Variants in VRK1 observed in about 807,000 individuals in gnomAD.
VRK1 encodes the protein serine/threonine-protein kinase VRK1.
VRK1 carries 33 observed loss-of-function variants against 57.1 expected under a neutral mutation model. That is an observed-to-expected ratio of 0.58 (90% CI 0.44 to 0.77). The LOEUF is 0.77. Among genes scored for constraint, VRK1 ranks in the 30% least tolerant of loss-of-function variants. The pLI is 0.00. For synonymous variants in VRK1, 137 were observed against 147.8 expected (o/e 0.93, Z 0.53); for missense variants, 413 against 477.3 (o/e 0.87, Z 1.25).
chr14:96,856,055 T>C (rs948261783), intron 8 of VRK1, 75 bp from the exon 9 acceptor site: 2 of 1,524,482 alleles, frequency 1.3e-6, no homozygotes, highest in Non-Finnish European at 1.8e-6. Context: ...TTTTATGTTA[T>C]TACTTTATAT....
intron 2 of VRK1, 148 bp downstream of exon 2, chr14:96,833,779 AC>A: frequency 1.7e-6 from 2 of 1,155,684 alleles, no homozygotes; most frequent in Non-Finnish European, 2.5e-6. Flanking sequence ...TGCATCTCTG[AC>A]GTAGGAGTGG....
At chr14:96,837,150 A>C (rs550440598) in intron 2 of VRK1, among the ~76,000 whole-genome samples, 1 of 152,256 alleles carries the variant, frequency 6.6e-6, no homozygotes, top group Admixed American at 6.5e-5. Flanking sequence ...GTACTTGGTA[A>C]ATATCTGTTT....
In VRK1 at chr14:96,846,092, A is replaced by G. The variant is rs1009112116; in HGVS notation, c.217-3A>G. ...TAGTACTAATTAACTCTTATATTTT[A>G]AGGAACCCAGTGACAATGGACCTCT... On this transcript the variant is annotated splice_polypyrimidine_tract_variant and splice_region_variant and intron_variant, in intron 3 of 12. Coordinates refer to ENST00000216639, the MANE Select transcript of VRK1 (RefSeq NM_003384.3). 1 of 1,612,898 alleles carries G rather than the reference A, an allele frequency of 6.2e-7. No homozygotes were observed. The highest frequency in any genetic ancestry group is 8.5e-7 in the Non-Finnish European group (1 of 1,179,114).
chr14:96,877,307 ATAT>A (rs1889080321), intron 12 of VRK1: 1 of 325,538 alleles, frequency 3.1e-6, no homozygotes, highest in African/African-American at 2.2e-5. Flanking sequence ...TCTTCATTAC[ATAT>A]TATGGTTAGA....
At chr14:96,875,384 C>A (rs901052288) in intron 11 of VRK1, among the ~76,000 whole-genome samples, 1 of 152,106 alleles carries the variant, frequency 6.6e-6, no homozygotes, top group South Asian at 2.1e-4. Flanking sequence ...GAAATCCAGA[C>A]GATTTTTGAG....
At chr14:96,810,947 T>C (rs1057290522) in intron 1 of VRK1, among the ~76,000 whole-genome samples, 18 of 151,192 alleles carry the variant, frequency 1.2e-4, no homozygotes, top group Admixed American at 5.9e-4. Flanking sequence ...TTTTTTTTAA[T>C]TTTTTTTTGA....
At chr14:96,844,061 T>G (rs1262175113) in intron 3 of VRK1, among the ~76,000 whole-genome samples, 3 of 152,200 alleles carry the variant, frequency 2.0e-5, no homozygotes, top group Admixed American at 1.3e-4. Context: ...CAAACCTGAA[T>G]TATATAAATG....
intron 11 of VRK1, among the ~76,000 whole-genome samples, chr14:96,874,855 A>G (rs1888963624): frequency 6.6e-6 from 1 of 152,228 alleles, no homozygotes; most frequent in African/African-American, 2.4e-5. Context: ...CCATTAGGAA[A>G]AGGAACAATG....
chr14:96,808,002 C>CCTCTCTCTCTGT (rs1555357996), intron 1 of VRK1, among the ~76,000 whole-genome samples: 4 of 118,214 alleles, frequency 3.4e-5, no homozygotes, highest in African/African-American at 1.4e-4. Flanking sequence ...TCCCTCTCTC[C>CCTCTCTCTCTGT]CTCTCTCTCT....
At chr14:96,874,804 G>A (rs951264576) in intron 11 of VRK1, among the ~76,000 whole-genome samples, 1 of 152,188 alleles carries the variant, frequency 6.6e-6, no homozygotes, top group African/African-American at 2.4e-5. Context: ...ATAGAGTTCA[G>A]CTTTCCCATG....
intron 11 of VRK1, among the ~76,000 whole-genome samples, chr14:96,871,126 A>G (rs1311517582): frequency 1.3e-5 from 2 of 152,182 alleles, no homozygotes; most frequent in Non-Finnish European, 2.9e-5. Context: ...TTTGATAGTT[A>G]CAGTAAATTC....
intron 1 of VRK1, among the ~76,000 whole-genome samples, chr14:96,811,471 A>C (rs574938387): frequency 1.3e-5 from 2 of 152,342 alleles, no homozygotes; most frequent in East Asian, 3.9e-4. Context: ...AATCAGCAGA[A>C]GTCATTCAAG....
chr14:96,820,300 T>C (rs1404667171), intron 1 of VRK1, among the ~76,000 whole-genome samples: 1 of 152,196 alleles, frequency 6.6e-6, no homozygotes, highest in Non-Finnish European at 1.5e-5. Flanking sequence ...CCCAATTTGC[T>C]TCAAATGCTG....
chr14:96,831,659 TGGAAA>T, intron 1 of VRK1, among the ~76,000 whole-genome samples: 1 of 152,344 alleles, frequency 6.6e-6, no homozygotes, highest in East Asian at 1.9e-4. Flanking sequence ...TTGTCACTTC[TGGAAA>T]GGAATTTCAG....
chr14:96,857,555 G>T (rs1456911273), intron 10 of VRK1, among the ~76,000 whole-genome samples: 3 of 152,150 alleles, frequency 2.0e-5, no homozygotes, highest in African/African-American at 7.2e-5. Context: ...ATCCTGAGGG[G>T]AAGGGTCTCC....
intron 11 of VRK1, among the ~76,000 whole-genome samples, chr14:96,872,330 C>T (rs369518205): frequency 9.2e-5 from 14 of 152,160 alleles, no homozygotes; most frequent in African/African-American, 3.1e-4. Context: ...AAGAATAGTT[C>T]AATAGTTACT....
intron 1 of VRK1, among the ~76,000 whole-genome samples, chr14:96,808,096 T>TA (rs1422966785): frequency 6.6e-6 from 1 of 151,076 alleles, no homozygotes; most frequent in Non-Finnish European, 1.5e-5. Context: ...GCCTGGGTAA[T>TA]ACCAATATTA....
intron 1 of VRK1, among the ~76,000 whole-genome samples, chr14:96,822,109 C>T (rs1168044690): frequency 6.7e-6 from 1 of 150,090 alleles, no homozygotes; most frequent in Non-Finnish European, 1.5e-5. Flanking sequence ...GCCCTTATAC[C>T]ATTGGACATA....
intron 1 of VRK1, among the ~76,000 whole-genome samples, chr14:96,803,836 G>GTCTGTTCAAA (rs1885765003): frequency 6.6e-6 from 1 of 152,010 alleles, no homozygotes; most frequent in African/African-American, 2.4e-5. Context: ...TTTTTTTGGT[G>GTCTGTTCAAA]ATTTGTCTGT....
Sources: allele counts gnomAD v4.1 joint callset (sites outside exome capture counted in the v4.1 genomes callset), GRCh38; gene constraint gnomAD v4.1.1; transcripts MANE v1.5; gene names NCBI Gene and HGNC (gene_info 2026-07-23, HGNC 2026-07-21).